The following RUFY4 variants were observed in gnomAD, a reference collection of about 807,000 sequenced individuals.
RUFY4 encodes RUN and FYVE domain-containing protein 4.
A neutral mutation model predicts 69.0 loss-of-function variants in RUFY4; 73 were observed. That is an observed-to-expected ratio of 1.06 (90% CI 0.88 to 1.29). The LOEUF (loss-of-function observed/expected upper bound fraction) is 1.29. RUFY4 is among the 50% of genes most tolerant of loss of function. The pLI, the probability that RUFY4 is intolerant of heterozygous loss-of-function variation, is 0.00. For missense variants in RUFY4, 770 were observed against 705.6 expected (o/e 1.09, Z -1.03); for synonymous variants, 287 against 271.8 (o/e 1.06, Z -0.55).
At chr2:218,041,646 G>A (rs77475065) in intron 2 of RUFY4, among the ~76,000 whole-genome samples, 2,075 of 152,064 alleles carry the variant, frequency 0.014, 44 homozygotes, top group African/African-American at 0.046. Context: ...GGTCTATCCT[G>A]TTGGGAAGTC....
chr2:218,048,252 G>C (rs1024293312), intron 2 of RUFY4, among the ~76,000 whole-genome samples: 1 of 152,110 alleles, frequency 6.6e-6, no homozygotes, highest in Non-Finnish European at 1.5e-5. Context: ...CTTTTGAAAA[G>C]TGTTCATGTC....
chr2:218,078,706 A>G (rs186552090), intron 8 of RUFY4, among the ~76,000 whole-genome samples: 3 of 152,306 alleles, frequency 2.0e-5, no homozygotes, highest in Admixed American at 1.3e-4. Context: ...CACCACCTCA[A>G]TCAATTTCAG....
chr2:218,079,276 C>A (rs1689706535), intron 8 of RUFY4, among the ~76,000 whole-genome samples: 1 of 152,180 alleles, frequency 6.6e-6, no homozygotes, highest in African/African-American at 2.4e-5. Context: ...GGTGCTCAGA[C>A]TGGGCTGGCA....
intron 6 of RUFY4, 193 bp downstream of exon 8, chr2:218,074,078 G>A (rs912798704): frequency 1.6e-6 from 1 of 632,090 alleles, no homozygotes. Context: ...CTATTCCTGG[G>A]GTGGCGGGGA....
chr2:218,056,988 C>T (rs893894440), intron 2 of RUFY4, among the ~76,000 whole-genome samples: 4 of 151,080 alleles, frequency 2.6e-5, no homozygotes, highest in African/African-American at 2.4e-5. Flanking sequence ...CTGAGGCAGG[C>T]GAATCTCTTG....
At chr2:218,083,815 T>C (rs1689826733) in intron 9 of RUFY4, among the ~76,000 whole-genome samples, 1 of 148,842 alleles carries the variant, frequency 6.7e-6, no homozygotes, top group Non-Finnish European at 1.5e-5. Context: ...CCCCTGAAAA[T>C]AATGCACACC....
At chr2:218,062,144 A>T (rs1160856732) in intron 3 of RUFY4, among the ~76,000 whole-genome samples, 1 of 152,206 alleles carries the variant, frequency 6.6e-6, no homozygotes, top group Non-Finnish European at 1.5e-5. Flanking sequence ...TCACGCCTGT[A>T]ATCCCAGCAC....
intron 8 of RUFY4, among the ~76,000 whole-genome samples, chr2:218,082,584 G>C (rs1315663797): frequency 6.6e-6 from 1 of 152,184 alleles, no homozygotes; most frequent in Admixed American, 6.5e-5. Flanking sequence ...CACACACACT[G>C]TGCAGTTCAG....
intron 2 of RUFY4, among the ~76,000 whole-genome samples, chr2:218,036,021 G>A (rs1365419400): frequency 2.6e-5 from 4 of 152,298 alleles, no homozygotes; most frequent in African/African-American, 9.6e-5. Context: ...TCAGGGCCCA[G>A]AACACAGGCC....
At chr2:218,059,611 T>C (rs1689137678) in intron 3 of RUFY4, 1 of 167,104 alleles carries the variant, frequency 6.0e-6, no homozygotes, top group South Asian at 2.1e-4. Context: ...TTCATTCCTC[T>C]TTCAGGCTGA....
chr2:218,076,396 A>G (rs1196999414), intron 7 of RUFY4, 31 bp from the exon 10 acceptor site: 1 of 1,546,456 alleles, frequency 6.5e-7, no homozygotes, highest in East Asian at 2.5e-5. Context: ...CTTCTCCTTC[A>G]GCCTCCTTCT....
At chr2:218,062,170 TG>T (rs1689211324) in intron 3 of RUFY4, among the ~76,000 whole-genome samples, 1 of 150,288 alleles carries the variant, frequency 6.7e-6, no homozygotes, top group Non-Finnish European at 1.5e-5. Flanking sequence ...GAGGCCGAGG[TG>T]GGCGGATCAC....
At chr2:218,051,911 A>G (rs983720576) in intron 2 of RUFY4, among the ~76,000 whole-genome samples, 6 of 152,222 alleles carry the variant, frequency 3.9e-5, no homozygotes, top group African/African-American at 1.4e-4. Context: ...ATTTTCAATC[A>G]TCTTCTAAAC....
upstream of RUFY4, among the ~76,000 whole-genome samples, chr2:218,064,928 G>A (rs564544923): frequency 3.3e-5 from 5 of 149,576 alleles, no homozygotes; most frequent in South Asian, 8.5e-4. Flanking sequence ...AGGCTTCTCC[G>A]GGTCCCCCTT....
chr2:218,076,479 A>G (rs1357433547), exon 8 of RUFY4: 5 of 1,550,756 alleles, frequency 3.2e-6, no homozygotes, highest in African/African-American at 1.4e-5. Flanking sequence ...CGCCAGGAGC[A>G]GCTGCTGAGG....
intron 2 of RUFY4, among the ~76,000 whole-genome samples, chr2:218,053,805 G>T (rs1469992694): frequency 6.6e-6 from 1 of 152,136 alleles, no homozygotes; most frequent in African/African-American, 2.4e-5. Flanking sequence ...GCCGCACCCG[G>T]CTAATTTTTG....
exon 6 of RUFY4, chr2:218,073,831 T>C (rs750797951): frequency 5.6e-6 from 9 of 1,613,924 alleles, no homozygotes; most frequent in Non-Finnish European, 7.6e-6. Context: ...GCTGCTCCAG[T>C]TCCACCCAAA....
upstream of RUFY4, among the ~76,000 whole-genome samples, chr2:218,067,883 G>T (rs575865183): frequency 2.6e-5 from 4 of 152,336 alleles, no homozygotes; most frequent in South Asian, 8.3e-4. Context: ...TGGCTGTGTG[G>T]GAGGTGGGGA....
At chr2:218,048,233 G>T (rs189680395) in intron 2 of RUFY4, among the ~76,000 whole-genome samples, 105 of 152,296 alleles carry the variant, frequency 6.9e-4, no homozygotes, top group South Asian at 1.2e-3. Flanking sequence ...CTGACCACAT[G>T]TATGTCTCCT....
Sources: allele counts gnomAD v4.1 joint callset (sites outside exome capture counted in the v4.1 genomes callset), GRCh38; gene constraint gnomAD v4.1.1; transcripts MANE v1.5; gene names NCBI Gene and HGNC (gene_info 2026-07-23, HGNC 2026-07-21).